DYDC2: variants seen among roughly 807,000 people sequenced by gnomAD.
DYDC2 encodes DPY30 domain-containing protein 2.
In DYDC2, 19 loss-of-function variants were observed where a neutral mutation model predicts 18.7. That is an observed-to-expected ratio of 1.02 (90% CI 0.71 to 1.49). The LOEUF (loss-of-function observed/expected upper bound fraction) is 1.49, where lower values mean the gene tolerates loss of function less well. Ranked by LOEUF, DYDC2 falls within the 40% of genes most tolerant of loss-of-function variation. The pLI, the probability that DYDC2 is intolerant of heterozygous loss-of-function variation, is 0.00. For synonymous variants in DYDC2, 63 were observed against 67.6 expected (o/e 0.93, Z 0.34); for missense variants, 179 against 205.1 (o/e 0.87, Z 0.78).
At chr10:80,366,200 T>A (rs1843834319) in intron 4 of DYDC2, among the ~76,000 whole-genome samples, 1 of 152,008 alleles carries the variant, frequency 6.6e-6, no homozygotes, top group Non-Finnish European at 1.5e-5. Flanking sequence ...ACCCAGCTAA[T>A]TTTTTTATTT....
chr10:80,363,830 T>C (rs1345190842), intron 4 of DYDC2, among the ~76,000 whole-genome samples: 1 of 152,250 alleles, frequency 6.6e-6, no homozygotes, highest in East Asian at 1.9e-4. Context: ...TATTTACTTT[T>C]CTGTGAAACT....
rs1843855437 is a variant in DYDC2 at position 80,366,894 on chromosome 10, G to A, written c.477G>A (p.Glu159=). The A allele has an allele frequency of 6.2e-7, 1 of 1,614,050 alleles. No homozygotes were observed. Among genetic ancestry groups the A allele is most frequent in the Non-Finnish European group, 8.5e-7 (1 of 1,179,978 alleles). The change falls in exon 5 of 5, where the codon GAG becomes GAA. Residue 159 remains glutamate (E), a synonymous_variant. Coordinates refer to ENST00000256039, the MANE Select transcript of DYDC2 (RefSeq NM_032372.6). ...TGCCACAAGAAATAAATTACAAGGA[G>A]GCTTTTCAGCATGAAGTTGCTCATG... is the stretch of plus-strand genomic sequence containing the variant. The part of the protein sequence containing the change: ...FKMPQEINYK[E]AFQHEVAHEM...
chr10:80,346,282 A>G (rs914960262), intron 1 of DYDC2, among the ~76,000 whole-genome samples: 1 of 152,094 alleles, frequency 6.6e-6, no homozygotes, highest in Non-Finnish European at 1.5e-5. Context: ...TCCTTTGAAT[A>G]TATACTGAGA....
intron 2 of DYDC2, among the ~76,000 whole-genome samples, chr10:80,360,763 C>CTTTTTT (rs3038615): frequency 7.2e-6 from 1 of 139,692 alleles, no homozygotes; most frequent in Non-Finnish European, 1.6e-5. Flanking sequence ...TTCTTTCTTT[C>CTTTTTT]TTTTTTTTTT....
At chr10:80,354,383 G>A (rs1442941706), upstream of DYDC2, 1 of 150,938 alleles carries the variant, frequency 6.6e-6, no homozygotes, top group Non-Finnish European at 1.5e-5. Context: ...CTACTTGGAA[G>A]GCTGAGGCAG....
Position 80,366,983 on chromosome 10 carries a change from C to T in DYDC2, c.*32C>T. The T allele has an allele frequency of 6.4e-7, 1 of 1,574,124 alleles. No homozygotes were observed. Among genetic ancestry groups the T allele is most frequent in the Non-Finnish European group, 8.6e-7 (1 of 1,163,280 alleles). ...GAAGGTAGATGCTTCTGATTTACTT[C>T]TCTCAAAGCTAGAAGCCAAGAAAAT... On this transcript the variant is annotated 3_prime_UTR_variant, in exon 5 of 5. Transcript: ENST00000256039.
At chr10:80,356,204 G>T, upstream of DYDC2, 15 of 969,802 alleles carry the variant, frequency 1.5e-5, no homozygotes, top group Non-Finnish European at 1.8e-5. Flanking sequence ...TGTGAAACGA[G>T]GATAATACCC....
At chr10:80,364,406 C>T (rs748463520) in intron 4 of DYDC2, among the ~76,000 whole-genome samples, 9 of 152,184 alleles carry the variant, frequency 5.9e-5, no homozygotes, top group Non-Finnish European at 1.3e-4. Context: ...CTGTGCACCT[C>T]TAATCCATTT....
intron 4 of DYDC2, among the ~76,000 whole-genome samples, chr10:80,366,477 A>T (rs1843841757): frequency 6.6e-6 from 1 of 152,200 alleles, no homozygotes; most frequent in Non-Finnish European, 1.5e-5. Context: ...GTTTTCCATG[A>T]AAAGATGATG....
upstream of DYDC2, chr10:80,356,475 G>C: frequency 3.0e-6 from 3 of 985,342 alleles, no homozygotes; most frequent in Non-Finnish European, 3.6e-6. Context: ...TTTCCCACCC[G>C]GGAGTCTGGA....
chr10:80,347,314 G>GTTTTTTTTTTTTTTTTTT (rs1842726421), intron 1 of DYDC2, among the ~76,000 whole-genome samples: 1 of 33,256 alleles, frequency 3.0e-5, no homozygotes, highest in African/African-American at 1.2e-4. Flanking sequence ...TTGCTATTGA[G>GTTTTTTTTTTTTTTTTTT]TTTGCATTCC....
In DYDC2 at chr10:80,366,820, CA is replaced by C. The variant is rs755537216; in HGVS notation, c.404del (p.Gln135ArgfsTer21). ...CAGTCTGATTCCAGGAATGCCTCAA[CA>C]GGTTCCTCCTTCAGAGTCTGCTGGC... The part of the protein sequence containing the change: ...TSSLIPGMPQ[Q>X]VPPSESAGQI... On this transcript the variant is annotated frameshift_variant, in exon 5 of 5. Coordinates refer to ENST00000256039, the MANE Select transcript of DYDC2 (RefSeq NM_032372.6). LOFTEE classifies it high-confidence loss of function. The C allele has an allele frequency of 6.2e-7, 1 of 1,614,186 alleles. No individual in the cohort carries two copies. The highest frequency in any genetic ancestry group is 8.5e-7 in the Non-Finnish European group (1 of 1,180,032).
upstream of DYDC2, chr10:80,356,170 C>T (rs1295146573): frequency 1.1e-6 from 1 of 892,430 alleles, no homozygotes; most frequent in African/African-American, 1.8e-5. Context: ...CAAGGCCTGC[C>T]AACTCCCTTA....
chr10:80,349,604 A>T (rs890859108), intron 1 of DYDC2, among the ~76,000 whole-genome samples: 1 of 152,246 alleles, frequency 6.6e-6, no homozygotes, highest in Non-Finnish European at 1.5e-5. Context: ...GTGATGGGGT[A>T]GGTAGCTGAA....
rs1843712716 is a variant in DYDC2, at chr10:80,363,075, T to C, written c.270+2T>C. 6.2e-7 allele frequency: 1 copy of C among 1,610,712 alleles called. No individual in the cohort carries two copies. Among genetic ancestry groups the C allele is most frequent in the Non-Finnish European group, 8.5e-7 (1 of 1,178,610 alleles). On this transcript the variant is annotated splice_donor_variant, in intron 4 of 4. Transcript: ENST00000256039. LOFTEE classifies it high-confidence loss of function. ...CAGAACTGTGAAAAGTGTCACAAGG[T>C]AGGGAGAAGGACTCAGCTTTGGGTT... is the stretch of plus-strand genomic sequence containing the variant.
Position 80,366,748 on chromosome 10 carries a change from C to T in DYDC2, c.331C>T (p.Pro111Ser). The T allele has an allele frequency of 1.2e-6, 2 of 1,614,040 alleles. No individual in the cohort carries two copies. The highest frequency in any genetic ancestry group is 1.1e-5 in the South Asian group (1 of 91,068). ...KTIFMQEDTN[P>S]LEKEALKQEF... is the part of the protein sequence containing the mutation. ...CATATTCATGCAGGAGGACACAAACCCCCTTGAGAAGGAGGCCTTGAAGCA... is the reference window on the plus strand; with the variant it reads ...CATATTCATGCAGGAGGACACAAACTCCCTTGAGAAGGAGGCCTTGAAGCA... The change falls in exon 5 of 5, where the codon CCC (proline) becomes TCC (serine). Residue 111 changes from proline (P) to serine (S), a missense_variant. Coordinates refer to ENST00000256039, the MANE Select transcript of DYDC2 (RefSeq NM_032372.6).
chr10:80,347,825 T>C (rs1842760657), intron 1 of DYDC2, among the ~76,000 whole-genome samples: 1 of 152,278 alleles, frequency 6.6e-6, no homozygotes, highest in South Asian at 2.1e-4. Context: ...TCTGTTTTTA[T>C]GCCAATACCA....
At chr10:80,361,655 A>G (rs1432508745) in intron 2 of DYDC2, among the ~76,000 whole-genome samples, 2 of 152,212 alleles carry the variant, frequency 1.3e-5, no homozygotes, top group Middle Eastern at 3.4e-3. Flanking sequence ...TTCTTAATCT[A>G]CTTATATATT....
chr10:80,361,826 G>A (rs1031076874), intron 2 of DYDC2, among the ~76,000 whole-genome samples: 3 of 152,100 alleles, frequency 2.0e-5, no homozygotes, highest in Non-Finnish European at 4.4e-5. Flanking sequence ...CTTACTTTCT[G>A]GCACAACAAA....
Sources: allele counts gnomAD v4.1 joint callset (sites outside exome capture counted in the v4.1 genomes callset), GRCh38; gene constraint gnomAD v4.1.1; transcripts MANE v1.5; gene names NCBI Gene and HGNC (gene_info 2026-07-23, HGNC 2026-07-21).